The following CCDC33 variants were observed in gnomAD, a reference collection of about 807,000 sequenced individuals.
The protein encoded by CCDC33 is coiled-coil domain containing 33.
Under a neutral mutation model 91.9 loss-of-function variants are expected in CCDC33, and 94 were observed. That is an observed-to-expected ratio of 1.02 (90% CI 0.87 to 1.21). CCDC33 has a LOEUF of 1.21. Ranked by LOEUF, CCDC33 falls within the 50% of genes most tolerant of loss-of-function variation. CCDC33 has a pLI of 0.00. For missense variants in CCDC33, 940 were observed against 935.5 expected (o/e 1.00, Z -0.06); for synonymous variants, 396 against 374.5 (o/e 1.06, Z -0.66).
chr15:74,224,249 CA>C (rs2074713217), intron 2 of CCDC33, among the ~76,000 whole-genome samples: 1 of 152,120 alleles, frequency 6.6e-6, no homozygotes, highest in African/African-American at 2.4e-5. Context: ...GGAGAGAGGC[CA>C]GGGGCTAAAT....
intron 10 of CCDC33, among the ~76,000 whole-genome samples, chr15:74,285,481 G>T (rs1339716879): frequency 6.6e-6 from 1 of 152,116 alleles, no homozygotes. Flanking sequence ...GCCTTCCTAT[G>T]GCTGAGTGAT....
At chr15:74,332,610 A>T (rs1596143828) in intron 15 of CCDC33, 69 bp from the exon 16 acceptor site, 1 of 1,544,442 alleles carries the variant, frequency 6.5e-7, no homozygotes, top group African/African-American at 1.4e-5. Flanking sequence ...AAAATGCTGG[A>T]GCAGATCAGG....
At chr15:74,292,991 C>G (rs1312085334) in intron 10 of CCDC33, among the ~76,000 whole-genome samples, 2 of 152,140 alleles carry the variant, frequency 1.3e-5, no homozygotes, top group Non-Finnish European at 2.9e-5. Context: ...TGGTAAATTT[C>G]AGAATCCACA....
At chr15:74,227,408 C>T (rs929836842) in intron 2 of CCDC33, among the ~76,000 whole-genome samples, 7 of 152,176 alleles carry the variant, frequency 4.6e-5, no homozygotes, top group South Asian at 2.1e-4. Context: ...GAAAGGATCA[C>T]GGGGAAGCAC....
intron 2 of CCDC33, among the ~76,000 whole-genome samples, chr15:74,254,748 T>C (rs1421389460): frequency 2.2e-5 from 3 of 134,122 alleles, no homozygotes; most frequent in Non-Finnish European, 4.5e-5. Flanking sequence ...CTCCTTCTTT[T>C]TTTTTTTTTT....
chr15:74,246,135 G>T (rs940782612), intron 2 of CCDC33, among the ~76,000 whole-genome samples: 1 of 152,168 alleles, frequency 6.6e-6, no homozygotes, highest in African/African-American at 2.4e-5. Flanking sequence ...GAAAGTTTTC[G>T]TTTTGTTCAT....
chr15:74,208,431 C>T (rs1049359612), intron 1 of CCDC33, among the ~76,000 whole-genome samples: 2 of 152,166 alleles, frequency 1.3e-5, no homozygotes, highest in Non-Finnish European at 2.9e-5. Context: ...GTGCTGCCCT[C>T]CTTCCTCACT....
chr15:74,223,530 G>A (rs936425212), intron 2 of CCDC33, among the ~76,000 whole-genome samples: 2 of 151,980 alleles, frequency 1.3e-5, no homozygotes, highest in African/African-American at 4.8e-5. Flanking sequence ...ACCCTGGAGC[G>A]GATTGAATAT....
intron 11 of CCDC33, among the ~76,000 whole-genome samples, chr15:74,309,472 G>C (rs12905100): frequency 2.0e-5 from 3 of 151,936 alleles, no homozygotes; most frequent in African/African-American, 7.3e-5. Flanking sequence ...CCTCCTACTC[G>C]GCTCCCAGCC....
chr15:74,308,707 G>A (rs1343964097), intron 11 of CCDC33, among the ~76,000 whole-genome samples: 1 of 152,210 alleles, frequency 6.6e-6, no homozygotes, highest in Non-Finnish European at 1.5e-5. Flanking sequence ...CTAAGCCTCT[G>A]CAGCAGAATT....
chr15:74,225,790 G>T (rs2074776327), intron 2 of CCDC33, among the ~76,000 whole-genome samples: 1 of 152,160 alleles, frequency 6.6e-6, no homozygotes, highest in Non-Finnish European at 1.5e-5. Flanking sequence ...ATTAGGGTGG[G>T]GAGCAGCAGG....
At chr15:74,335,724 T>C (rs2060552292) in intron 18 of CCDC33, 1 of 554,014 alleles carries the variant, frequency 1.8e-6, no homozygotes, top group Non-Finnish European at 3.2e-6. Flanking sequence ...AGGCAACCTT[T>C]GCACACTCAC....
upstream of CCDC33, among the ~76,000 whole-genome samples, chr15:74,215,253 T>G (rs1595874505): frequency 1.3e-5 from 2 of 152,010 alleles, no homozygotes; most frequent in South Asian, 4.2e-4. Context: ...CCCCAGGACA[T>G]TATGTTAAGT....
chr15:74,280,711 C>G lies in CCDC33; in HGVS notation c.933C>G (p.Ile311Met). 1.3e-6 allele frequency: 2 copies of G among 1,563,700 alleles called. No individual in the cohort carries two copies. Among genetic ancestry groups the G allele is most frequent in the Non-Finnish European group, 1.7e-6 (2 of 1,154,174 alleles). ...QPWTLNQPLG[I>M]SVLPLKSRLY... ...GGACCCTCAACCAGCCCCTGGGCAT[C>G]TCTGTGTTGCCGCTAAAGAGCCGTT... is the stretch of plus-strand genomic sequence containing the variant. Residue 311 changes from isoleucine to methionine, a missense_variant, in exon 9 of 19, where the codon ATC becomes ATG. Physicochemically the swap from Ile to Met is conservative, Grantham distance 10 (BLOSUM62 1). Coordinates refer to ENST00000398814, the MANE Select transcript of CCDC33 (RefSeq NM_025055.5).
chr15:74,303,346 C>G (rs995279409), intron 11 of CCDC33: 1 of 152,480 alleles, frequency 6.6e-6, no homozygotes, highest in Non-Finnish European at 1.5e-5. Context: ...TCTGGGAGTA[C>G]GAGAGGGCCC....
intron 1 of CCDC33, among the ~76,000 whole-genome samples, chr15:74,205,347 C>T (rs1238525735): frequency 1.3e-5 from 2 of 152,198 alleles, no homozygotes; most frequent in African/African-American, 4.8e-5. Context: ...GCACCAGCAT[C>T]AGCTTCTGGG....
At chr15:74,327,404 G>A (rs1350627426) in intron 11 of CCDC33, among the ~76,000 whole-genome samples, 2 of 152,200 alleles carry the variant, frequency 1.3e-5, no homozygotes, top group Non-Finnish European at 2.9e-5. Context: ...GGAGGCTGAG[G>A]CGGGCAGATT....
At chr15:74,280,232 AGAG>A in intron 8 of CCDC33, 140 bp downstream of exon 8, 2 of 989,916 alleles carry the variant, frequency 2.0e-6, no homozygotes, top group Admixed American at 2.4e-5. Flanking sequence ...TAATGCAGGC[AGAG>A]GAGAGCTGGC....
At chr15:74,307,481 G>A (rs902084222) in intron 11 of CCDC33, among the ~76,000 whole-genome samples, 9 of 152,000 alleles carry the variant, frequency 5.9e-5, no homozygotes, top group Non-Finnish European at 8.8e-5. Context: ...AGACAAGACC[G>A]AGGGGGAGTC....
Sources: gnomAD v4.1 joint callset for allele counts (sites outside exome capture counted in the v4.1 genomes callset) on GRCh38, gnomAD v4.1.1 for gene constraint, MANE v1.5 for transcripts, NCBI Gene and HGNC (gene_info 2026-07-23, HGNC 2026-07-21) for gene names.